Variants in BTD observed in about 807,000 individuals in gnomAD.
BTD encodes biocytinase.
A neutral mutation model predicts 17.7 loss-of-function variants in BTD; 13 were observed. The ratio of observed to expected loss-of-function variants is 0.74; its 90% CI spans 0.48 to 1.17. The LOEUF is 1.17. Among genes scored for constraint, BTD ranks in the 50% most tolerant of loss-of-function variants. The pLI is 0.00. For missense variants in BTD, 674 were observed against 650.4 expected (o/e 1.04, Z -0.39); for synonymous variants, 240 against 245.2 (o/e 0.98, Z 0.20).
intron 3 of BTD, chr3:15,684,466 T>G (rs114413938): frequency 3.9e-5 from 6 of 152,314 alleles, no homozygotes; most frequent in Non-Finnish European, 7.3e-5. Flanking sequence ...ATATTACTGG[T>G]AATATAAGAA....
At chr3:15,716,844 T>G (rs1259112172), downstream of BTD, among the ~76,000 whole-genome samples, 1 of 152,152 alleles carries the variant, frequency 6.6e-6, no homozygotes. Flanking sequence ...TATCTATAAT[T>G]CCAGCGCTTG....
At chr3:15,689,835 G>T in intron 3 of BTD, 4 of 562,940 alleles carry the variant, frequency 7.1e-6, no homozygotes, top group Non-Finnish European at 1.2e-5. Flanking sequence ...TATGAATGAC[G>T]GAGGCTTTGT....
intron 3 of BTD, among the ~76,000 whole-genome samples, chr3:15,666,036 TG>T (rs1456727658): frequency 1.3e-5 from 2 of 152,110 alleles, no homozygotes; most frequent in African/African-American, 4.8e-5. Context: ...GCAACTGAAA[TG>T]TAAGAAGACA....
At position 15,644,520 on chromosome 3, in the gene BTD, G is replaced by C. The variant is rs200337373; in HGVS notation, c.604G>C (p.Asp202His). 6.2e-7 allele frequency: 1 copy of C among 1,613,976 alleles called. No individual in the cohort carries two copies. Among genetic ancestry groups the C allele is most frequent in the African/African-American group, 1.3e-5 (1 of 74,886 alleles). ...CAACCTCTACTTTGAGGCAGCATTC[G>C]ATGTTCCTCTTAAAGTGGATCTCAT... ...KHNLYFEAAF[D>H]VPLKVDLITF... The change falls in exon 4 of 4, where the codon GAT (aspartate) becomes CAT (histidine). Residue 202 changes from aspartate (D) to histidine (H), a missense_variant. Asp to His is a moderately conservative substitution (Grantham distance 81, BLOSUM62 -1). Transcript: ENST00000643237.
intron 3 of BTD, among the ~76,000 whole-genome samples, chr3:15,673,536 T>C (rs1204285462): frequency 6.6e-6 from 1 of 152,202 alleles, no homozygotes; most frequent in Non-Finnish European, 1.5e-5. Context: ...AAGTACATTA[T>C]ATACAATATG....
At chr3:15,640,789 A>G (rs1004915519) in intron 2 of BTD, among the ~76,000 whole-genome samples, 1 of 152,204 alleles carries the variant, frequency 6.6e-6, no homozygotes, top group African/African-American at 2.4e-5. Context: ...CAGAGAGAAA[A>G]AGTAATGAAA....
chr3:15,623,302 T>C (rs1409995003), intron 1 of BTD, among the ~76,000 whole-genome samples: 1 of 152,216 alleles, frequency 6.6e-6, no homozygotes, highest in Non-Finnish European at 1.5e-5. Context: ...CTTTATAAAG[T>C]GGGTTTCTTG....
intron 1 of BTD, among the ~76,000 whole-genome samples, chr3:15,630,762 CT>C (rs1478622353): frequency 2.6e-5 from 4 of 152,150 alleles, no homozygotes; most frequent in African/African-American, 9.7e-5. Flanking sequence ...TTCACAGTTG[CT>C]GGTGAGTTCA....
intron 3 of BTD, among the ~76,000 whole-genome samples, chr3:15,701,508 G>C (rs1378317893): frequency 1.3e-5 from 2 of 152,084 alleles, no homozygotes; most frequent in Non-Finnish European, 2.9e-5. Context: ...GCCAGGCATG[G>C]TGGCACACAC....
chr3:15,673,047 G>A (rs1016816495), intron 3 of BTD, among the ~76,000 whole-genome samples: 21 of 152,170 alleles, frequency 1.4e-4, no homozygotes, highest in African/African-American at 4.8e-4. Flanking sequence ...AAAGTGCTAG[G>A]ACCATAGGCA....
intron 3 of BTD, among the ~76,000 whole-genome samples, chr3:15,664,756 TAAA>T (rs2065960263): frequency 6.6e-6 from 1 of 152,144 alleles, no homozygotes; most frequent in Non-Finnish European, 1.5e-5. Flanking sequence ...TAATTTTTCT[TAAA>T]GAAGGGTAAA....
intron 3 of BTD, among the ~76,000 whole-genome samples, chr3:15,694,989 A>G (rs149551683): frequency 2.2e-4 from 34 of 152,308 alleles, no homozygotes; most frequent in African/African-American, 7.9e-4. Flanking sequence ...GAAGACAGGC[A>G]TAAGAGTTTG....
chr3:15,611,785 A>T (rs1376535131), intron 1 of BTD, among the ~76,000 whole-genome samples: 1 of 152,014 alleles, frequency 6.6e-6, no homozygotes, highest in Non-Finnish European at 1.5e-5. Context: ...CAAAAAAAAA[A>T]AAGAAAAAAC....
intron 3 of BTD, among the ~76,000 whole-genome samples, chr3:15,682,958 A>C (rs997982655): frequency 2.0e-5 from 3 of 152,240 alleles, no homozygotes; most frequent in African/African-American, 7.2e-5. Context: ...CCAGGCATGC[A>C]GTTCTTGCAA....
intron 3 of BTD, among the ~76,000 whole-genome samples, chr3:15,690,958 C>T (rs1460236445): frequency 6.6e-6 from 1 of 152,102 alleles, no homozygotes; most frequent in Non-Finnish European, 1.5e-5. Flanking sequence ...ATTCGGATTT[C>T]TCAAATTAAA....
intron 3 of BTD, among the ~76,000 whole-genome samples, chr3:15,642,569 C>T (rs2065547764): frequency 6.6e-6 from 1 of 151,864 alleles, no homozygotes; most frequent in African/African-American, 2.4e-5. Flanking sequence ...ATTCTCCTGC[C>T]TCAGCCTCCC....
chr3:15,697,555 A>G (rs947662418), intron 3 of BTD, among the ~76,000 whole-genome samples: 2 of 151,736 alleles, frequency 1.3e-5, no homozygotes, highest in African/African-American at 4.8e-5. Flanking sequence ...GATTACGTGT[A>G]TTGATTTGCG....
chr3:15,714,909 T>A (rs574112927), downstream of BTD, among the ~76,000 whole-genome samples: 67 of 152,274 alleles, frequency 4.4e-4, no homozygotes, highest in African/African-American at 1.5e-3. Context: ...ACAGTAAGGA[T>A]GTGTCTCCCA....
chr3:15,617,166 CTTA>C (rs1358609352), intron 1 of BTD, among the ~76,000 whole-genome samples: 1 of 152,134 alleles, frequency 6.6e-6, no homozygotes, highest in Non-Finnish European at 1.5e-5. Context: ...TGTTTACTTT[CTTA>C]TTGTTGAGTT....
Sources: gnomAD v4.1 joint callset for allele counts (sites outside exome capture counted in the v4.1 genomes callset) on GRCh38, gnomAD v4.1.1 for gene constraint, MANE v1.5 for transcripts, NCBI Gene and HGNC (gene_info 2026-07-23, HGNC 2026-07-21) for gene names.